The following GMDS variants were observed in gnomAD, a reference collection of about 807,000 sequenced individuals.
GMDS encodes GDP-mannose 4,6-dehydratase.
GMDS carries 20 observed loss-of-function variants against 49.9 expected under a neutral mutation model. That is an observed-to-expected ratio of 0.40 (90% CI 0.28 to 0.58). The LOEUF is 0.58. Ranked by LOEUF, GMDS falls within the 20% of genes least tolerant of loss-of-function variation. The probability of loss-of-function intolerance (pLI) is 0.42; values close to 1 mark genes in which losing one functional copy is unlikely to be tolerated. For missense variants in GMDS, 362 were observed against 481.4 expected (o/e 0.75, Z 2.32); for synonymous variants, 177 against 178.6 (o/e 0.99, Z 0.07).
chr6:1,697,078 C>T (rs961720297), intron 9 of GMDS, among the ~76,000 whole-genome samples: 8 of 152,178 alleles, frequency 5.3e-5, no homozygotes, highest in African/African-American at 1.7e-4. Flanking sequence ...ACAGCCCATG[C>T]GTTACTTCAG....
chr6:1,960,519 A>G (rs2127296638), intron 5 of GMDS, among the ~76,000 whole-genome samples: 2 of 152,332 alleles, frequency 1.3e-5, no homozygotes, highest in African/African-American at 4.8e-5. Context: ...TCTGTATGGA[A>G]GGGCTGAATG....
At chr6:2,142,033 A>G (rs1776322880) in intron 1 of GMDS, among the ~76,000 whole-genome samples, 1 of 152,160 alleles carries the variant, frequency 6.6e-6, no homozygotes, top group Non-Finnish European at 1.5e-5. Flanking sequence ...TTAATGCCCA[A>G]CAATAGGCAC....
chr6:2,115,355 CA>C (rs1774787999), intron 4 of GMDS, among the ~76,000 whole-genome samples: 2 of 152,160 alleles, frequency 1.3e-5, no homozygotes, highest in South Asian at 4.1e-4. Flanking sequence ...TATTGGGACT[CA>C]AAAATATTCT....
chr6:2,230,930 T>TCCCCCCCCC (rs797010185), intron 1 of GMDS, among the ~76,000 whole-genome samples: 4 of 14,544 alleles, frequency 2.8e-4, no homozygotes, highest in African/African-American at 5.2e-4. Flanking sequence ...AGTATTCTCT[T>TCCCCCCCCC]CCCCCCTCCC....
chr6:1,939,075 G>A (rs1762689063), intron 6 of GMDS, among the ~76,000 whole-genome samples: 1 of 149,918 alleles, frequency 6.7e-6, no homozygotes, highest in Non-Finnish European at 1.5e-5. Context: ...AAACCTGCCT[G>A]GGCATTTTTA....
intron 7 of GMDS, among the ~76,000 whole-genome samples, chr6:1,868,284 C>A (rs1758540324): frequency 6.6e-6 from 1 of 152,132 alleles, no homozygotes. Context: ...CGCACCCGGC[C>A]CTCAACAGCT....
At chr6:2,127,612 C>A (rs185726256) in intron 1 of GMDS, among the ~76,000 whole-genome samples, 30 of 152,360 alleles carry the variant, frequency 2.0e-4, no homozygotes, top group Admixed American at 1.4e-3. Context: ...TTCCTCCTCA[C>A]TTCCTTGCCA....
At chr6:1,939,006 T>A (rs1417075935) in intron 6 of GMDS, among the ~76,000 whole-genome samples, 1 of 128,566 alleles carries the variant, frequency 7.8e-6, no homozygotes. Context: ...TCTCCTCTTC[T>A]CTTCTCTCTC....
intron 1 of GMDS, among the ~76,000 whole-genome samples, chr6:2,169,557 G>A (rs1039317278): frequency 1.4e-5 from 2 of 146,978 alleles, no homozygotes; most frequent in African/African-American, 2.6e-5. Flanking sequence ...GCAGTGAGCT[G>A]AGATCACATC....
At chr6:1,995,820 A>G (rs1416937949) in intron 4 of GMDS, among the ~76,000 whole-genome samples, 1 of 152,140 alleles carries the variant, frequency 6.6e-6, no homozygotes, top group Non-Finnish European at 1.5e-5. Context: ...GGTTCTGGGA[A>G]CACCTCCCTC....
intron 9 of GMDS, among the ~76,000 whole-genome samples, chr6:1,641,807 T>G (rs1763340528): frequency 6.6e-6 from 1 of 152,190 alleles, no homozygotes; most frequent in Non-Finnish European, 1.5e-5. Context: ...TAAATATTGG[T>G]CAGCCTCCTG....
intron 4 of GMDS, among the ~76,000 whole-genome samples, chr6:2,088,165 A>T (rs1773118692): frequency 6.6e-6 from 1 of 152,198 alleles, no homozygotes. Context: ...ATGTTATGGA[A>T]GAAAACAGTC....
rs533924054 is a variant in GMDS, at chr6:1,646,482, G to A, written c.988-21942C>T. Reference sequence around the variant, plus strand: ...CACCTAGGCTGGAGTGCAGTGGCACGATCATGGCTCACTGCAGCCTCCCAA... The same window carrying A: ...CACCTAGGCTGGAGTGCAGTGGCACAATCATGGCTCACTGCAGCCTCCCAA... On this transcript the variant is annotated intron_variant, in intron 9 of 10. Transcript: ENST00000380815. Among the ~76,000 whole-genome samples, 41 of 152,258 alleles carry A rather than the reference G, an allele frequency of 2.7e-4. No individual in the cohort carries two copies. The East Asian group carries it at 7.5e-3, about 28-fold the overall frequency.
chr6:1,801,192 A>G (rs1769936254), intron 7 of GMDS, among the ~76,000 whole-genome samples: 2 of 152,208 alleles, frequency 1.3e-5, no homozygotes, highest in Non-Finnish European at 2.9e-5. Flanking sequence ...AGGAACAGAG[A>G]AATATTCTGT....
At chr6:1,802,195 C>G (rs960822691) in intron 7 of GMDS, among the ~76,000 whole-genome samples, 1 of 152,154 alleles carries the variant, frequency 6.6e-6, no homozygotes, top group Non-Finnish European at 1.5e-5. Context: ...AGGTACAAGT[C>G]TTCATTTGAG....
intron 1 of GMDS, among the ~76,000 whole-genome samples, chr6:2,185,815 G>A (rs868376208): frequency 1.3e-5 from 2 of 152,026 alleles, no homozygotes; most frequent in East Asian, 1.9e-4. Context: ...CATCAGCCTC[G>A]TCTATGTAGT....
At chr6:1,989,674 C>T (rs1765802408) in intron 4 of GMDS, among the ~76,000 whole-genome samples, 1 of 152,202 alleles carries the variant, frequency 6.6e-6, no homozygotes, top group African/African-American at 2.4e-5. Flanking sequence ...CAAACCAAGA[C>T]TGGTACACTC....
At chr6:2,071,530 A>G (rs1771999298) in intron 4 of GMDS, among the ~76,000 whole-genome samples, 1 of 152,182 alleles carries the variant, frequency 6.6e-6, no homozygotes, top group African/African-American at 2.4e-5. Flanking sequence ...CAGGAGCTCA[A>G]TAAATGCTAC....
intron 4 of GMDS, among the ~76,000 whole-genome samples, chr6:1,976,769 C>T (rs149360996): frequency 6.6e-6 from 1 of 152,238 alleles, no homozygotes; most frequent in Non-Finnish European, 1.5e-5. Flanking sequence ...AAAAGGTATT[C>T]ACCACATAGT....
Sources: allele counts gnomAD v4.1 joint callset (sites outside exome capture counted in the v4.1 genomes callset), GRCh38; gene constraint gnomAD v4.1.1; transcripts MANE v1.5; gene names NCBI Gene and HGNC (gene_info 2026-07-23, HGNC 2026-07-21).